AMIGO2: variants seen among roughly 807,000 people sequenced by gnomAD.
AMIGO2 encodes adhesion molecule with Ig like domain 2.
In AMIGO2, 15 loss-of-function variants were observed where a neutral mutation model predicts 23.7. The observed-to-expected ratio is 0.63, with a 90% CI of 0.42 to 0.98. AMIGO2 has a LOEUF of 0.98. AMIGO2 is among the 50% of genes least tolerant of loss of function. The pLI, the probability that AMIGO2 is intolerant of heterozygous loss-of-function variation, is 0.00. For missense variants in AMIGO2, 561 were observed against 633.1 expected (o/e 0.89, Z 1.22); for synonymous variants, 264 against 252.3 (o/e 1.05, Z -0.44).
chr12:47,079,341 C>CGTTGTT (rs140523365), intron 1 of AMIGO2, 93 bp from the exon 2 acceptor site: 4 of 202,262 alleles, frequency 2.0e-5, no homozygotes, highest in East Asian at 2.4e-4. Flanking sequence ...GTGCATCCTG[C>CGTTGTT]GTTGTTGTTG....
chr12:47,078,884 ACCC>A lies in AMIGO2; in HGVS notation c.116_118del (p.Gly39del). ...GGCACAGATGCAAGCGGTGGGGCAC[ACCC>A]CAGAGGCACCAGGGCCCACAGTCAC... On this transcript the variant is annotated inframe_deletion, in exon 3 of 3. Coordinates refer to ENST00000550413, the MANE Select transcript of AMIGO2 (RefSeq NM_001370299.1). 6.2e-7 allele frequency: 1 copy of A among 1,614,176 alleles called. No homozygotes were observed. The highest frequency in any genetic ancestry group is 2.2e-5 in the East Asian group (1 of 44,886).
At position 47,079,253 on chromosome 12, in the gene AMIGO2, T is replaced by C. The variant is rs2137116632; in HGVS notation, c.-170-5A>G. 1 of 441,190 alleles carries C rather than the reference T, an allele frequency of 2.3e-6. No individual in the cohort carries two copies. Among genetic ancestry groups the C allele is most frequent in the East Asian group, 3.8e-5 (1 of 26,354 alleles). 27.3% of individuals were successfully genotyped at this position (441,190 alleles called of 1,614,324 possible). Reference sequence around the variant, plus strand: ...TTCCTCTTTCCTGGGTTAGTCCTGCTTATAAAAATGTACAGTCACATTCTC... The same window carrying C: ...TTCCTCTTTCCTGGGTTAGTCCTGCCTATAAAAATGTACAGTCACATTCTC... On this transcript the variant is annotated splice_region_variant and splice_polypyrimidine_tract_variant and intron_variant, in intron 1 of 2. Coordinates refer to ENST00000550413, the MANE Select transcript of AMIGO2 (RefSeq NM_001370299.1).
chr12:47,078,239 T>C lies in AMIGO2; in HGVS notation c.764A>G (p.Lys255Arg). Residue 255 changes from lysine to arginine, a missense_variant, in exon 3 of 3, where the codon AAG (lysine) becomes AGG (arginine). Physicochemically the swap from Lys to Arg is conservative, Grantham distance 26. Coordinates refer to ENST00000550413, the MANE Select transcript of AMIGO2 (RefSeq NM_001370299.1). ...RRHFSSVMDF[K>R]NDYTCRLWSD... ...CCACAGGCGACAGGTGTAATCGTTC[T>C]TAAAATCCATCACTGAGCTAAAGTG... 1 of 1,614,200 alleles carries C rather than the reference T, an allele frequency of 6.2e-7. No individual in the cohort carries two copies. The highest frequency in any genetic ancestry group is 1.7e-5 in the Admixed American group (1 of 60,030).
At chr12:47,076,100 G>A (rs1941852509), downstream of AMIGO2, 1 of 152,232 alleles carries the variant, frequency 6.6e-6, no homozygotes, top group Non-Finnish European at 1.5e-5. Context: ...CCTTCAGTAT[G>A]TGGTAGAGTT....
In AMIGO2 at chr12:47,078,221, C is replaced by T. The variant is rs758750535; in HGVS notation, c.782G>A (p.Arg261His). ...CGAGTGCCTGGAGTCAGACCACAGG[C>T]GACAGGTGTAATCGTTCTTAAAATC... is the stretch of plus-strand genomic sequence containing the variant. Reference protein sequence around the residue: ...VMDFKNDYTCRLWSDSRHSRQ... With the variant: ...VMDFKNDYTCHLWSDSRHSRQ... Residue 261 changes from arginine (R) to histidine (H), a missense_variant, in exon 3 of 3, where the codon CGC (arginine) becomes CAC (histidine). Coordinates refer to ENST00000550413, the MANE Select transcript of AMIGO2 (RefSeq NM_001370299.1). 5.0e-6 allele frequency: 8 copies of T among 1,614,128 alleles called. No individual in the cohort carries two copies. The highest frequency in any genetic ancestry group is 6.8e-6 in the Non-Finnish European group (8 of 1,180,018).
rs768760357 is a variant in AMIGO2 at position 47,078,268 on chromosome 12, A to G, written c.735T>C (p.Arg245=). The change falls in exon 3 of 3, where the codon CGT becomes CGC. Residue 245 remains arginine (R), a synonymous_variant. Coordinates refer to ENST00000550413, the MANE Select transcript of AMIGO2 (RefSeq NM_001370299.1). ...AATCCATCACTGAGCTAAAGTGCCT[A>G]CGATACCAAAAGACCAGCAAGGAGT... ...SLYSLLVFWY[R]RHFSSVMDFK... is the part of the protein sequence containing the mutation. The G allele has an allele frequency of 2.5e-6, 4 of 1,614,150 alleles. No individual in the cohort carries two copies. The South Asian group carries it at 4.4e-5, about 18-fold the overall frequency.
At position 47,079,865 on chromosome 12, in the gene AMIGO2, C is replaced by T. The variant is rs1941937036; in HGVS notation, c.-574G>A. The T allele has an allele frequency of 6.6e-6, 1 of 150,610 alleles. No homozygotes were observed. Among genetic ancestry groups the T allele is most frequent in the Non-Finnish European group, 1.5e-5 (1 of 67,486 alleles). 9.3% of individuals were successfully genotyped at this position (150,610 alleles called of 1,614,324 possible). ...TCCGCACTCGGGAGGCTGCAGGACC[C>T]GGGGTTCCCGCGCGCCCGGGGCCGG... On this transcript the variant is annotated 5_prime_UTR_variant, in exon 1 of 3. Coordinates refer to ENST00000550413, the MANE Select transcript of AMIGO2 (RefSeq NM_001370299.1).
Position 47,077,512 on chromosome 12 carries a change from T to C in AMIGO2, c.1491A>G (p.Leu497=), listed in dbSNP as rs1941871811. ...AGTCAGATTTCCCCCTCGTGGACTT[T>C]AGGATGCCCTCAGCTATCACTGCCT... The part of the protein sequence containing the change: ...PSEAVIAEGI[L]KSTRGKSDSD... The change falls in exon 3 of 3, where the codon CTA becomes CTG. Residue 497 remains leucine (L), a synonymous_variant. Transcript: ENST00000550413. The C allele has an allele frequency of 2.5e-6, 4 of 1,614,200 alleles. No homozygotes were observed. The highest frequency in any genetic ancestry group is 1.7e-5 in the Admixed American group (1 of 60,028).
In AMIGO2 at chr12:47,078,444, C is replaced by G; in HGVS notation, c.559G>C (p.Gly187Arg). 6.2e-7 allele frequency: 1 copy of G among 1,614,128 alleles called. No homozygotes were observed. Among genetic ancestry groups the G allele is most frequent in the African/African-American group, 1.3e-5 (1 of 75,044 alleles). ...LTQFPMDLYV[G>R]RFKLAELMFL... ...ATCAGTTCTGCCAGCTTGAACCTTC[C>G]AACATACAAATCCATCGGAAACTGT... The change falls in exon 3 of 3, where the codon GGA (glycine) becomes CGA (arginine). Residue 187 changes from glycine (G) to arginine (R), a missense_variant. Gly to Arg is a moderately radical substitution (Grantham distance 125). Transcript: ENST00000550413.
At chr12:47,076,113 AG>A (rs1459164828), downstream of AMIGO2, 1 of 152,244 alleles carries the variant, frequency 6.6e-6, no homozygotes, top group Non-Finnish European at 1.5e-5. Context: ...GTAGAGTTTC[AG>A]AAAGCAAGTA....
chr12:47,078,160 A>G lies in AMIGO2; in HGVS notation c.843T>C (p.Asn281=). ...AACCATTGATGATGCTGTCAGAGCA[A>G]TTCATAAAGCTATCCTGGAGCAGAA... ...QVLLLQDSFM[N]CSDSIINGSF... The change falls in exon 3 of 3, where the codon AAT becomes AAC. Residue 281 remains asparagine (N), a synonymous_variant. Coordinates refer to ENST00000550413, the MANE Select transcript of AMIGO2 (RefSeq NM_001370299.1). The G allele has an allele frequency of 6.2e-7, 1 of 1,614,162 alleles. No individual in the cohort carries two copies. The highest frequency in any genetic ancestry group is 8.5e-7 in the Non-Finnish European group (1 of 1,180,034).
At position 47,077,758 on chromosome 12, in the gene AMIGO2, C is replaced by T. The variant is rs763034439; in HGVS notation, c.1245G>A (p.Leu415=). The change falls in exon 3 of 3, where the codon TTG becomes TTA. Residue 415 remains leucine (L), a synonymous_variant. Transcript: ENST00000550413. ...ACVASIVLVL[L]YLYLTPCPCK... is the part of the protein sequence containing the mutation. ...AGGGGCATGGAGTCAGATAGAGGTA[C>T]AAAAGTACCAAAACGATACTGGCCA... 8.7e-6 allele frequency: 14 copies of T among 1,614,004 alleles called. No individual in the cohort carries two copies. In the African/African-American group the frequency reaches 9.3e-5, roughly 11 times the overall value.
rs527422309 is a variant in AMIGO2 at position 47,078,995 on chromosome 12, A to G, written c.8T>C (p.Leu3Ser). The G allele has an allele frequency of 1.9e-6, 3 of 1,594,382 alleles. No individual in the cohort carries two copies. The highest frequency in any genetic ancestry group is 4.5e-5 in the East Asian group (2 of 44,508). The change falls in exon 3 of 3, where the codon TTA (leucine) becomes TCA (serine). Residue 3 changes from leucine (L) to serine (S), a missense_variant. Coordinates refer to ENST00000550413, the MANE Select transcript of AMIGO2 (RefSeq NM_001370299.1). The stretch of plus-strand genomic sequence containing the variant: ...CAGGGTGGGCAGAGTGTGTACACGT[A>G]ACGACATTATGGTCGCCTCTGAGTC... MS[L>S]RVHTLPTLLG...
At position 47,077,494 on chromosome 12, in the gene AMIGO2, T is replaced by G. The variant is rs370161697; in HGVS notation, c.1509A>C (p.Lys503Asn). Reference sequence around the variant, plus strand: ...CTGAATTGACTGAATCTGAGTCAGATTTCCCCCTCGTGGACTTTAGGATGC... The same window carrying G: ...CTGAATTGACTGAATCTGAGTCAGAGTTCCCCCTCGTGGACTTTAGGATGC... ...AEGILKSTRG[K>N]SDSDSVNSVF... The change falls in exon 3 of 3, where the codon AAA becomes AAC. Residue 503 changes from lysine (K) to asparagine (N), a missense_variant. Coordinates refer to ENST00000550413, the MANE Select transcript of AMIGO2 (RefSeq NM_001370299.1). 6.2e-7 allele frequency: 1 copy of G among 1,614,190 alleles called. No individual in the cohort carries two copies. The highest frequency in any genetic ancestry group is 1.7e-5 in the Admixed American group (1 of 60,030).
In AMIGO2 at chr12:47,079,884, G is replaced by T. The variant is rs1442756778; in HGVS notation, c.-593C>A. ...AGGACCCGGGGTTCCCGCGCGCCCG[G>T]GGCCGGGAGACGGGCTGGGGCGCCG... On this transcript the variant is annotated 5_prime_UTR_variant, in exon 1 of 3. Transcript: ENST00000550413. The T allele has an allele frequency of 6.6e-6, 1 of 150,774 alleles. No individual in the cohort carries two copies. The highest frequency in any genetic ancestry group is 1.5e-5 in the Non-Finnish European group (1 of 67,568). 9.3% of individuals were successfully genotyped at this position (150,774 alleles called of 1,614,324 possible). A position where few individuals can be genotyped will look rare whatever the true frequency, so the allele number is the denominator to read the frequency against.
chr12:47,076,356 T>C (rs1941855453), downstream of AMIGO2: 1 of 152,328 alleles, frequency 6.6e-6, no homozygotes, highest in Non-Finnish European at 1.5e-5. Context: ...TGCACAATGA[T>C]ATCAGAGTAA....
chr12:47,078,692 T>G lies in AMIGO2; in HGVS notation c.311A>C (p.Asn104Thr). The G allele has an allele frequency of 6.2e-7, 1 of 1,614,250 alleles. No individual in the cohort carries two copies. The highest frequency in any genetic ancestry group is 8.5e-7 in the Non-Finnish European group (1 of 1,180,046). The change falls in exon 3 of 3, where the codon AAC (asparagine) becomes ACC (threonine). Residue 104 changes from asparagine to threonine, a missense_variant. Transcript: ENST00000550413. ...KLNTLILRHN[N>T]ITSISTGSFS... ...ACTGCCCGTGGAAATGCTGGTGATG[T>G]TGTTATGACGAAGAATTAGGGTGTT...
rs1283559237 is a variant in AMIGO2, at chr12:47,078,805, A to G, written c.198T>C (p.Leu66=). 1 of 1,614,210 alleles carries G rather than the reference A, an allele frequency of 6.2e-7. No homozygotes were observed. The highest frequency in any genetic ancestry group is 8.5e-7 in the Non-Finnish European group (1 of 1,180,044). ...NKNLSKVPGN[L]FRLIKRLDLS... is the part of the protein sequence containing the mutation. ...GGTCCAGTCTCTTAATCAGTCTGAA[A>G]AGGTTCCCAGGCACCTTGGACAGGT... The change falls in exon 3 of 3, where the codon CTT becomes CTC. Residue 66 remains leucine, a synonymous_variant. Transcript: ENST00000550413.
Position 47,077,272 on chromosome 12 carries a change from G to A in AMIGO2, c.*162C>T, listed in dbSNP as rs2137112310. On this transcript the variant is annotated 3_prime_UTR_variant, in exon 3 of 3. Coordinates refer to ENST00000550413, the MANE Select transcript of AMIGO2 (RefSeq NM_001370299.1). ...TCTTTCTATGGCACATTGAGGAACT[G>A]AAGTACTTTACCTCATTTCCTACCA... 3.9e-6 allele frequency: 4 copies of A among 1,014,676 alleles called. No homozygotes were observed. The highest frequency in any genetic ancestry group is 5.5e-6 in the Non-Finnish European group (4 of 723,934). 62.9% of individuals were successfully genotyped at this position (1,014,676 alleles called of 1,614,324 possible). A position where few individuals can be genotyped will look rare whatever the true frequency, so the allele number is the denominator to read the frequency against.
Sources: allele counts gnomAD v4.1 joint callset, GRCh38; gene constraint gnomAD v4.1.1; transcripts MANE v1.5; gene names NCBI Gene and HGNC (gene_info 2026-07-23, HGNC 2026-07-21).